Variants in TNFRSF10B observed in about 807,000 individuals in gnomAD.
TNFRSF10B encodes TNF receptor superfamily member 10b.
TNFRSF10B carries 35 observed loss-of-function variants against 41.4 expected under a neutral mutation model. The ratio of observed to expected loss-of-function variants is 0.85; its 90% CI spans 0.65 to 1.12. The LOEUF is 1.12. Among genes scored for constraint, TNFRSF10B ranks in the 50% most tolerant of loss-of-function variants. TNFRSF10B has a pLI of 0.00. For missense variants in TNFRSF10B, 584 were observed against 552.7 expected (o/e 1.06, Z -0.57); for synonymous variants, 230 against 215.5 (o/e 1.07, Z -0.59).
chr8:23,059,360 G>A (rs1403775566), intron 1 of TNFRSF10B, among the ~76,000 whole-genome samples: 1 of 152,196 alleles, frequency 6.6e-6, no homozygotes, highest in African/African-American at 2.4e-5. Flanking sequence ...CTAGAAGTGG[G>A]AATGATGGAT....
intron 2 of TNFRSF10B, among the ~76,000 whole-genome samples, chr8:23,038,011 C>A (rs1812071215): frequency 1.3e-5 from 2 of 152,170 alleles, no homozygotes; most frequent in Admixed American, 1.3e-4. Flanking sequence ...TTGAAGACTG[C>A]CACTTGGCCA....
chr8:23,068,639 C>A, intron 1 of TNFRSF10B, 112 bp downstream of exon 1: 1 of 1,466,054 alleles, frequency 6.8e-7, no homozygotes, highest in Non-Finnish European at 9.1e-7. Context: ...CCCGGACATG[C>A]CCGGCCGCAG....
In TNFRSF10B at chr8:23,028,691, T is replaced by C. The variant is rs1811786925; in HGVS notation, c.477-89A>G. The C allele has an allele frequency of 1.4e-5, 22 of 1,520,452 alleles. No homozygotes were observed. The South Asian group carries it at 1.9e-4, about 13-fold the overall frequency. 94.2% of individuals were successfully genotyped at this position (1,520,452 alleles called of 1,614,324 possible). A position where few individuals can be genotyped will look rare whatever the true frequency, so the allele number is the denominator to read the frequency against. On this transcript the variant is annotated intron_variant, in intron 4 of 8. Transcript: ENST00000276431. The stretch of plus-strand genomic sequence containing the variant: ...GAGGAGCCACCCTCCCTCCCCAGTG[T>C]CCCTGAGAAGGTGTCAGGGGAAGGA...
intron 2 of TNFRSF10B, among the ~76,000 whole-genome samples, chr8:23,033,221 T>C (rs767263775): frequency 9.9e-5 from 15 of 152,102 alleles, no homozygotes; most frequent in Middle Eastern, 3.2e-3. Context: ...CCCTGTGAAA[T>C]GCTAAAAGGA....
At chr8:23,064,496 T>C (rs1274443256) in intron 1 of TNFRSF10B, among the ~76,000 whole-genome samples, 1 of 152,046 alleles carries the variant, frequency 6.6e-6, no homozygotes, top group African/African-American at 2.4e-5. Flanking sequence ...AATGGGCTCA[T>C]GGGGGTGTCC....
intron 1 of TNFRSF10B, among the ~76,000 whole-genome samples, chr8:23,064,203 T>C (rs1812916905): frequency 6.6e-6 from 1 of 152,186 alleles, no homozygotes; most frequent in Non-Finnish European, 1.5e-5. Context: ...ATGCCATCGG[T>C]GGCAGGGACA....
chr8:23,024,524 ATT>A (rs112844191), intron 7 of TNFRSF10B, among the ~76,000 whole-genome samples: 15 of 145,928 alleles, frequency 1.0e-4, no homozygotes, highest in African/African-American at 2.5e-4. Context: ...TGTCTTGATG[ATT>A]TTTTTTTTTT....
Position 23,024,223 on chromosome 8 carries a change from A to AGCC in TNFRSF10B, c.971_973dup (p.Arg324dup). ...ATCACCTTCATTTGCTGGAACCAGC[A>AGCC]GCCTCCTCCTCTGAGACCTTTCAGC... On this transcript the variant is annotated inframe_insertion, in exon 8 of 9. Transcript: ENST00000276431. The AGCC allele has an allele frequency of 6.2e-7, 1 of 1,614,128 alleles. No individual in the cohort carries two copies. Among genetic ancestry groups the AGCC allele is most frequent in the Middle Eastern group, 1.6e-4 (1 of 6,062 alleles).
chr8:23,028,063 T>A, intron 5 of TNFRSF10B: 1 of 603,166 alleles, frequency 1.7e-6, no homozygotes, highest in East Asian at 2.8e-5. Flanking sequence ...CCTGCCTGGC[T>A]GGGCCTGAAG....
Position 23,043,151 on chromosome 8 carries a change from T to A in TNFRSF10B, c.237A>T (p.Gly79=). Residue 79 remains glycine (G), a synonymous_variant, in exon 2 of 9, where the codon GGA becomes GGT. Transcript: ENST00000276431. ...TCTTGAACATACCAGGTGGACACAA[T>A]CCCTCTGAGGGGCTGGACCTCTTTT... The part of the protein sequence containing the change: ...PQQKRSSPSE[G]LCPPGHHISE... 3.7e-6 allele frequency: 6 copies of A among 1,614,042 alleles called. No individual in the cohort carries two copies. Among genetic ancestry groups the A allele is most frequent in the Non-Finnish European group, 5.1e-6 (6 of 1,179,982 alleles).
intron 1 of TNFRSF10B, among the ~76,000 whole-genome samples, chr8:23,055,521 T>TTAAAAAAAAAAAAAAA (rs1554510887): frequency 2.5e-5 from 3 of 120,548 alleles, no homozygotes; most frequent in African/African-American, 9.2e-5. Flanking sequence ...ATTAAATGCT[T>TTAAAAAAAAAAAAAAA]AAAAAAAAAA....
At chr8:23,047,974 T>C (rs190564343) in intron 1 of TNFRSF10B, among the ~76,000 whole-genome samples, 7 of 152,232 alleles carry the variant, frequency 4.6e-5, no homozygotes, top group African/African-American at 9.6e-5. Context: ...AACAGATAAA[T>C]GGATAAAGAA....
chr8:23,032,724 T>G (rs1273898638), intron 2 of TNFRSF10B, among the ~76,000 whole-genome samples: 1 of 152,208 alleles, frequency 6.6e-6, no homozygotes, highest in African/African-American at 2.4e-5. Flanking sequence ...AGTTTTGCAG[T>G]AGCAAAGAAC....
At chr8:23,050,933 G>T (rs756460648) in intron 1 of TNFRSF10B, among the ~76,000 whole-genome samples, 5 of 152,170 alleles carry the variant, frequency 3.3e-5, no homozygotes, top group Non-Finnish European at 7.3e-5. Flanking sequence ...AATTAACCAG[G>T]CATGGTGGCA....
At chr8:23,032,201 A>G (rs1323017934) in intron 2 of TNFRSF10B, among the ~76,000 whole-genome samples, 1 of 152,186 alleles carries the variant, frequency 6.6e-6, no homozygotes, top group Admixed American at 6.5e-5. Flanking sequence ...AGGGACTACT[A>G]TATTAGACAG....
chr8:23,066,293 AAC>A (rs1221904595), intron 1 of TNFRSF10B, among the ~76,000 whole-genome samples: 23 of 152,144 alleles, frequency 1.5e-4, no homozygotes, highest in African/African-American at 5.6e-4. Context: ...AAAAAAGAAA[AAC>A]ACAAAGATGA....
chr8:23,027,613 GAGTC>G (rs1332872518), intron 6 of TNFRSF10B, 105 bp downstream of exon 6: 16 of 1,495,830 alleles, frequency 1.1e-5, no homozygotes, highest in Non-Finnish European at 1.5e-5. Flanking sequence ...CCACTTCAGA[GAGTC>G]AGGGCAGCCA....
intron 2 of TNFRSF10B, chr8:23,042,855 G>A (rs1812245957): frequency 3.8e-5 from 13 of 343,402 alleles, no homozygotes; most frequent in East Asian, 1.1e-4. Context: ...GCCCTCCTCC[G>A]GATGTCAGCC....
intron 4 of TNFRSF10B, 47 bp from the exon 5 acceptor site, chr8:23,028,649 G>A (rs1355361377): frequency 1.2e-6 from 2 of 1,612,150 alleles, no homozygotes; most frequent in East Asian, 2.2e-5. Flanking sequence ...ATGGAAAGCT[G>A]GCCAGGTGGG....
Sources: gnomAD v4.1 joint callset for allele counts (sites outside exome capture counted in the v4.1 genomes callset) on GRCh38, gnomAD v4.1.1 for gene constraint, MANE v1.5 for transcripts, NCBI Gene and HGNC (gene_info 2026-07-23, HGNC 2026-07-21) for gene names.